ARAP3: variants seen among roughly 807,000 people sequenced by gnomAD.
ARAP3 encodes arf-GAP with Rho-GAP domain, ANK repeat and PH domain-containing protein 3.
ARAP3 carries 82 observed loss-of-function variants against 169.2 expected under a neutral mutation model. The ratio of observed to expected loss-of-function variants is 0.48; its 90% confidence interval spans 0.41 to 0.58. The LOEUF is 0.58. Among genes scored for constraint, ARAP3 ranks in the 20% least tolerant of loss-of-function variants. The probability of loss-of-function intolerance (pLI) is 0.00; values close to 1 mark genes in which losing one functional copy is unlikely to be tolerated. For missense variants in ARAP3, 1,764 were observed against 2,018.0 expected (o/e 0.87, Z 2.41); for synonymous variants, 791 against 800.3 (o/e 0.99, Z 0.20).
chr5:141,679,005 C>A (rs1237500203), intron 4 of ARAP3, among the ~76,000 whole-genome samples: 1 of 152,094 alleles, frequency 6.6e-6, no homozygotes, highest in African/African-American at 2.4e-5. Flanking sequence ...AGCACTTCTC[C>A]TGGTTGGGCA....
intron 19 of ARAP3, among the ~76,000 whole-genome samples, chr5:141,663,687 G>T (rs1364382843): frequency 6.6e-6 from 1 of 152,194 alleles, no homozygotes; most frequent in Admixed American, 6.5e-5. Flanking sequence ...TAGCGAGTGG[G>T]GGAGGTCACT....
At chr5:141,678,633 G>A (rs1027855469) in intron 4 of ARAP3, among the ~76,000 whole-genome samples, 3 of 151,038 alleles carry the variant, frequency 2.0e-5, no homozygotes, top group Non-Finnish European at 2.9e-5. Context: ...GATTATAGGC[G>A]TCCACCACCG....
At position 141,656,753 on chromosome 5, in the gene ARAP3, T is replaced by TTTG. The variant is rs766806930; in HGVS notation, c.3619_3620insCAA (p.Lys1206_Lys1207insThr). On this transcript the variant is annotated inframe_insertion, in exon 26 of 33. Coordinates refer to ENST00000239440, the MANE Select transcript of ARAP3 (RefSeq NM_022481.6). ...GCAGCCAGCTTGGGCCAGGGGGACTTTTTTCAAGAGCAGGGAAGCTGAGCA... is the reference window on the plus strand; with the variant it reads ...GCAGCCAGCTTGGGCCAGGGGGACTTTTGTTTTCAAGAGCAGGGAAGCTGAGCA... 1.2e-6 allele frequency: 2 copies of TTTG among 1,611,676 alleles called. No homozygotes were observed. Among genetic ancestry groups the TTTG allele is most frequent in the Non-Finnish European group, 1.7e-6 (2 of 1,178,978 alleles).
At chr5:141,660,927 C>T (rs569501759) in intron 21 of ARAP3, among the ~76,000 whole-genome samples, 1 of 152,230 alleles carries the variant, frequency 6.6e-6, no homozygotes, top group African/African-American at 2.4e-5. Flanking sequence ...TCCCTGACAT[C>T]GCATAATAAA....
chr5:141,656,649 T>C lies in ARAP3; in HGVS notation c.3656-12A>G, dbSNP rs770702102. 9 of 1,613,422 alleles carry C rather than the reference T, an allele frequency of 5.6e-6. No individual in the cohort carries two copies. In the Admixed American group the frequency reaches 8.4e-5, roughly 15 times the overall value. The stretch of plus-strand genomic sequence containing the variant: ...CTCACGTCGGATACCTGGGCATAGA[T>C]GGGCAATCCTGGGTGGAGGATGCTA... On this transcript the variant is annotated splice_polypyrimidine_tract_variant and intron_variant, in intron 26 of 32. Transcript: ENST00000239440.
rs1372550736 is a variant in ARAP3, at chr5:141,653,662, G to A, written c.*288C>T. On this transcript the variant is annotated 3_prime_UTR_variant, in exon 33 of 33. Coordinates refer to ENST00000239440, the MANE Select transcript of ARAP3 (RefSeq NM_022481.6). ...AATATATAAAGCAGGAGCTGCCCTT[G>A]TTCAGGGATAATATGTGGGGCTTAT... is the stretch of plus-strand genomic sequence containing the variant. The A allele has an allele frequency of 3.2e-6, 1 of 314,664 alleles. No individual in the cohort carries two copies. Among genetic ancestry groups the A allele is most frequent in the African/African-American group, 2.1e-5 (1 of 46,650 alleles). 19.5% of individuals were successfully genotyped at this position (314,664 alleles called of 1,614,324 possible).
At chr5:141,655,215 C>CA in intron 32 of ARAP3, 147 bp downstream of exon 32, 5 of 400,254 alleles carry the variant, frequency 1.2e-5, no homozygotes, top group Non-Finnish European at 2.1e-5. Context: ...ACACACACAC[C>CA]CTGATGGCCT....
chr5:141,673,305 C>G (rs537182603), intron 6 of ARAP3, 96 bp downstream of exon 6: 3 of 1,566,218 alleles, frequency 1.9e-6, no homozygotes, highest in Non-Finnish European at 2.6e-6. Context: ...ACTGCCCCGC[C>G]CACACACACA....
At chr5:141,665,815 G>C (rs1157691063) in intron 17 of ARAP3, among the ~76,000 whole-genome samples, 1 of 151,998 alleles carries the variant, frequency 6.6e-6, no homozygotes, top group Non-Finnish European at 1.5e-5. Flanking sequence ...TGGATCACCT[G>C]AGGTCAGGAG....
chr5:141,655,816 C>A lies in ARAP3; in HGVS notation c.3972+53G>T, dbSNP rs143373017. The A allele has an allele frequency of 5.6e-4, 908 of 1,614,126 alleles. 8 individuals carry two copies. Among genetic ancestry groups the A allele is most frequent in the Non-Finnish European group, 5.8e-5 (68 of 1,179,996 alleles). ...GCATGAAAGGCACTGAGGAGGACAG[C>A]TGGGCCCCAGGGGGACCACAGACCC... On this transcript the variant is annotated intron_variant, in intron 30 of 32. Coordinates refer to ENST00000239440, the MANE Select transcript of ARAP3 (RefSeq NM_022481.6).
chr5:141,669,162 CTGAGAGTTG>C (rs1365684556), intron 16 of ARAP3, among the ~76,000 whole-genome samples: 1 of 152,186 alleles, frequency 6.6e-6, no homozygotes, highest in Non-Finnish European at 1.5e-5. Context: ...GCTCACAAGG[CTGAGAGTTG>C]TGACTCAAAT....
rs146251061 is a variant in ARAP3 at position 141,653,740 on chromosome 5, C to A, written c.*210G>T. 3.1e-3 allele frequency: 1,575 copies of A among 502,040 alleles called. 27 individuals are homozygous for A. Among genetic ancestry groups the A allele is most frequent in the African/African-American group, 0.028 (1,434 of 51,224 alleles). The allele number at this position is 502,040 out of a possible 1,614,324, so 31.1% of individuals were successfully genotyped here. On this transcript the variant is annotated 3_prime_UTR_variant, in exon 33 of 33. Transcript: ENST00000239440. ...ACTGCTCTCCTTACTTCAGTTACCT[C>A]ATGGTATAGATAAATGGGCTGGGCC...
rs2099912806 is a variant in ARAP3 at position 141,680,506 on chromosome 5, G to A, written c.-17-3C>T. ...AGCCATGGGGGCTCAGGCCATTGCTGGGGGGAGGGGCAGGGTGAAGGGAGG... is the reference window on the plus strand; with the variant it reads ...AGCCATGGGGGCTCAGGCCATTGCTAGGGGGAGGGGCAGGGTGAAGGGAGG... On this transcript the variant is annotated splice_region_variant and splice_polypyrimidine_tract_variant and intron_variant, in intron 1 of 32. Transcript: ENST00000239440. 5 of 1,568,860 alleles carry A rather than the reference G, an allele frequency of 3.2e-6. No individual in the cohort carries two copies. Among genetic ancestry groups the A allele is most frequent in the African/African-American group, 1.3e-5 (1 of 74,416 alleles).
intron 4 of ARAP3, among the ~76,000 whole-genome samples, chr5:141,679,206 T>C (rs1004509097): frequency 1.3e-5 from 2 of 152,138 alleles, no homozygotes; most frequent in African/African-American, 4.8e-5. Context: ...GGAGAATCGC[T>C]TGAACCCAGG....
In ARAP3 at chr5:141,679,559, G is replaced by A. The variant is rs752186478; in HGVS notation, c.684C>T (p.Gly228=). Reference sequence around the variant, plus strand: ...TTAGTACTCACCTGTGTTCAGCCCTGCCCTGACAAACACCTCTGCTCTCTC... The same window carrying A: ...TTAGTACTCACCTGTGTTCAGCCCTACCCTGACAAACACCTCTGCTCTCTC... ...DRRESRGVCQ[G]RAEHRLSRQD... Residue 228 remains glycine, a synonymous_variant, in exon 4 of 33, where the codon GGC becomes GGT. Transcript: ENST00000239440. 6.2e-7 allele frequency: 1 copy of A among 1,613,992 alleles called. No individual in the cohort carries two copies. Among genetic ancestry groups the A allele is most frequent in the East Asian group, 2.2e-5 (1 of 44,870 alleles).
rs1483702437 is a variant in ARAP3, at chr5:141,666,569, G to A, written c.2427C>T (p.Ser809=). ...CAGGGGCCGGGGCTGTATGGGAGGGGGACCGCAGCCATAGGCGGCCCAGCC... is the reference window on the plus strand; with the variant it reads ...CAGGGGCCGGGGCTGTATGGGAGGGAGACCGCAGCCATAGGCGGCCCAGCC... ...LLRLGRLWLR[S]PSHTAPAPGL... The change falls in exon 17 of 33, where the codon TCC becomes TCT. Residue 809 remains serine, a synonymous_variant. Transcript: ENST00000239440. 3 of 1,563,072 alleles carry A rather than the reference G, an allele frequency of 1.9e-6. No homozygotes were observed. Among genetic ancestry groups the A allele is most frequent in the Non-Finnish European group, 2.6e-6 (3 of 1,156,396 alleles).
rs545065260 is a variant in ARAP3 at position 141,677,566 on chromosome 5, C to T, written c.698+1979G>A. ...CACTACTATCACTACACTCTGAGGT[C>T]TCTCACCTACATTACTACAAAAACC... On this transcript the variant is annotated intron_variant, in intron 4 of 32. Coordinates refer to ENST00000239440, the MANE Select transcript of ARAP3 (RefSeq NM_022481.6). 2.0e-5 allele frequency among the ~76,000 whole-genome samples: 3 copies of T among 152,250 alleles called. No individual in the cohort carries two copies. In the South Asian group the frequency reaches 6.2e-4, roughly 32 times the overall value.
At position 141,665,326 on chromosome 5, in the gene ARAP3, A is replaced by C; in HGVS notation, c.2621T>G (p.Leu874Arg). ...GGCAATTTACCTTCCTGTCTCCACC[A>C]GGACCAAATGCTCTTTCTTATCTGG... ...DTPDKKEHLV[L>R]VETGRTLYLQ... Residue 874 changes from leucine (L) to arginine (R), a missense_variant, in exon 18 of 33, where the codon CTG becomes CGG. Physicochemically the swap from Leu to Arg is moderately radical, Grantham distance 102. Transcript: ENST00000239440. 1 of 1,614,246 alleles carries C rather than the reference A, an allele frequency of 6.2e-7. No homozygotes were observed. The highest frequency in any genetic ancestry group is 8.5e-7 in the Non-Finnish European group (1 of 1,180,040).
At chr5:141,662,708 C>T (rs1596480537) in intron 19 of ARAP3, among the ~76,000 whole-genome samples, 1 of 152,280 alleles carries the variant, frequency 6.6e-6, no homozygotes, top group East Asian at 1.9e-4. Context: ...CAAGTGTATC[C>T]TTTTAATGGT....
Sources: allele counts gnomAD v4.1 joint callset (sites outside exome capture counted in the v4.1 genomes callset), GRCh38; gene constraint gnomAD v4.1.1; transcripts MANE v1.5; gene names NCBI Gene and HGNC (gene_info 2026-07-23, HGNC 2026-07-21).